Variants in TTC29 observed in about 807,000 individuals in gnomAD.
The protein encoded by TTC29 is tetratricopeptide repeat protein 29.
TTC29 carries 49 observed loss-of-function variants against 58.1 expected under a neutral mutation model. The observed-to-expected ratio is 0.84, with a 90% CI of 0.67 to 1.07. The LOEUF is 1.07. Ranked by LOEUF, TTC29 falls within the 50% of genes least tolerant of loss-of-function variation. The pLI is 0.00. For missense variants in TTC29, 582 were observed against 555.6 expected (o/e 1.05, Z -0.48); for synonymous variants, 209 against 196.8 (o/e 1.06, Z -0.52).
At chr4:146,752,144 A>G (rs1231363042) in intron 11 of TTC29, among the ~76,000 whole-genome samples, 1 of 151,876 alleles carries the variant, frequency 6.6e-6, no homozygotes, top group East Asian at 1.9e-4. Flanking sequence ...TTTGCAGATG[A>G]CATGATTGTA....
chr4:146,936,944 G>A lies in TTC29; in HGVS notation c.176+650C>T, dbSNP rs1256949430. On this transcript the variant is annotated intron_variant, in intron 4 of 12. Transcript: ENST00000325106. ...ACTTACATGAAAAGATGTGATAACA[G>A]AGCCACTAAGTATAGGTAAGAAATA... is the stretch of plus-strand genomic sequence containing the variant. Among the ~76,000 whole-genome samples, 4 of 151,950 alleles carry A rather than the reference G, an allele frequency of 2.6e-5. No homozygotes were observed. The East Asian group carries it at 7.7e-4, about 29-fold the overall frequency.
chr4:146,737,092 T>C (rs1042042267), intron 11 of TTC29, among the ~76,000 whole-genome samples: 26 of 152,292 alleles, frequency 1.7e-4, no homozygotes, highest in African/African-American at 6.3e-4. Context: ...AATTCCGTGC[T>C]GTTTTCCTAA....
chr4:146,707,435 A>G, intron 12 of TTC29, 50 bp downstream of exon 12: 2 of 1,239,480 alleles, frequency 1.6e-6, no homozygotes, highest in Non-Finnish European at 2.4e-6. Flanking sequence ...TGCTTAGTAT[A>G]TTGCGCAAAG....
At chr4:146,848,190 AAC>A (rs1270813848) in intron 8 of TTC29, among the ~76,000 whole-genome samples, 1 of 152,250 alleles carries the variant, frequency 6.6e-6, no homozygotes, top group Non-Finnish European at 1.5e-5. Flanking sequence ...AATAACAGAA[AAC>A]ACACATTATA....
chr4:146,795,978 C>G (rs1323779858), intron 11 of TTC29, among the ~76,000 whole-genome samples: 3 of 152,180 alleles, frequency 2.0e-5, no homozygotes, highest in Non-Finnish European at 4.4e-5. Context: ...CAGCTGAGTT[C>G]TCCAACTCTT....
At chr4:146,728,794 C>CATATATATACACATATAT (rs1450598794) in intron 11 of TTC29, among the ~76,000 whole-genome samples, 1 of 119,848 alleles carries the variant, frequency 8.3e-6, no homozygotes, top group African/African-American at 3.3e-5. Context: ...TGTATATATA[C>CATATATATACACATATAT]GTATATATAC....
chr4:146,737,441 T>C (rs1744788652), intron 11 of TTC29, among the ~76,000 whole-genome samples: 1 of 152,026 alleles, frequency 6.6e-6, no homozygotes, highest in African/African-American at 2.4e-5. Context: ...CTAAACATGT[T>C]CCTTTTGCAC....
At chr4:146,907,242 T>C (rs1733581153) in intron 5 of TTC29, among the ~76,000 whole-genome samples, 1 of 152,216 alleles carries the variant, frequency 6.6e-6, no homozygotes, top group Non-Finnish European at 1.5e-5. Flanking sequence ...AATAGACTAT[T>C]TGGCATTTTA....
At chr4:146,728,845 A>ATGTG (rs1343591135) in intron 11 of TTC29, among the ~76,000 whole-genome samples, 1 of 81,300 alleles carries the variant, frequency 1.2e-5, no homozygotes, top group South Asian at 6.0e-4. Context: ...ACACATATAT[A>ATGTG]TGTATATATA....
At chr4:146,739,470 T>G (rs1174740113) in intron 11 of TTC29, among the ~76,000 whole-genome samples, 1 of 152,202 alleles carries the variant, frequency 6.6e-6, no homozygotes, top group Non-Finnish European at 1.5e-5. Flanking sequence ...ATGCATGATT[T>G]TCTTACAAAT....
chr4:146,886,172 CA>C (rs569988312), intron 6 of TTC29, among the ~76,000 whole-genome samples: 1 of 152,058 alleles, frequency 6.6e-6, no homozygotes, highest in Non-Finnish European at 1.5e-5. Flanking sequence ...TCCTTTCTTT[CA>C]ATTTATTCAG....
At chr4:146,895,401 G>T (rs934703668) in intron 6 of TTC29, among the ~76,000 whole-genome samples, 1 of 152,138 alleles carries the variant, frequency 6.6e-6, no homozygotes, top group South Asian at 2.1e-4. Flanking sequence ...TCAGTTAAGA[G>T]GTCTATTATT....
At chr4:146,851,099 A>G (rs922703645) in intron 8 of TTC29, among the ~76,000 whole-genome samples, 2 of 152,244 alleles carry the variant, frequency 1.3e-5, no homozygotes, top group Admixed American at 6.5e-5. Context: ...GAATAGCATA[A>G]TCCTTGCACC....
chr4:146,795,716 C>A (rs535684979), intron 11 of TTC29, among the ~76,000 whole-genome samples: 1 of 152,118 alleles, frequency 6.6e-6, no homozygotes, highest in Non-Finnish European at 1.5e-5. Flanking sequence ...GTTTTAAATA[C>A]AGTCATATTG....
At chr4:146,797,832 T>TTATATATATATATATATATATATATATA (rs70958528) in intron 11 of TTC29, among the ~76,000 whole-genome samples, 3 of 130,054 alleles carry the variant, frequency 2.3e-5, no homozygotes, top group Admixed American at 7.7e-5. Context: ...TTACTTTGTT[T>TTATATATATATATATATATATATATATA]TATATATATA....
At chr4:146,850,296 C>A (rs141014751) in intron 8 of TTC29, among the ~76,000 whole-genome samples, 1 of 152,290 alleles carries the variant, frequency 6.6e-6, no homozygotes, top group African/African-American at 2.4e-5. Context: ...AGAGATGAAG[C>A]CACAGGGCCA....
At chr4:146,937,882 C>A (rs781172988) in intron 3 of TTC29, among the ~76,000 whole-genome samples, 1 of 152,084 alleles carries the variant, frequency 6.6e-6, no homozygotes, top group African/African-American at 2.4e-5. Context: ...GAATATTAAA[C>A]CCAGTGTGTA....
At chr4:146,881,051 A>G (rs1731593508) in intron 6 of TTC29, among the ~76,000 whole-genome samples, 1 of 152,142 alleles carries the variant, frequency 6.6e-6, no homozygotes, top group African/African-American at 2.4e-5. Flanking sequence ...GTTTAAATAA[A>G]ATAATATCTC....
intron 10 of TTC29, among the ~76,000 whole-genome samples, chr4:146,808,905 T>C (rs1750815453): frequency 6.6e-6 from 1 of 151,794 alleles, no homozygotes; most frequent in South Asian, 2.1e-4. Context: ...CATATGGAAC[T>C]AAAAAAAGAG....
Sources: gnomAD v4.1 joint callset for allele counts (sites outside exome capture counted in the v4.1 genomes callset) on GRCh38, gnomAD v4.1.1 for gene constraint, MANE v1.5 for transcripts, NCBI Gene and HGNC (gene_info 2026-07-23, HGNC 2026-07-21) for gene names.